Variants in KCNQ1 observed in about 807,000 individuals in gnomAD.
The protein encoded by KCNQ1 is potassium voltage-gated channel subfamily KQT member 1.
In KCNQ1, 49 loss-of-function variants were observed where a neutral mutation model predicts 72.4. The observed-to-expected ratio is 0.68, with a 90% CI of 0.54 to 0.86. The LOEUF (loss-of-function observed/expected upper bound fraction) is 0.86. Among genes scored for constraint, KCNQ1 ranks in the 40% least tolerant of loss-of-function variants. KCNQ1 has a pLI of 0.00. For missense variants in KCNQ1, 790 were observed against 945.1 expected (o/e 0.84, Z 2.15); for synonymous variants, 450 against 412.6 (o/e 1.09, Z -1.10).
rs1415058026 is a variant in KCNQ1, at chr11:2,588,755, A to G, written c.1294A>G (p.Thr432Ala). ...CAAGCTGGACAAAGACAATGGGGTG[A>G]CTCCTGGAGAGAAGATGCTCACAGT... ...KFKLDKDNGV[T>A]PGEKMLTVPH... Residue 432 changes from threonine to alanine, a missense_variant, in exon 10 of 16, where the codon ACT becomes GCT. Around this residue, in one of 5 missense-constraint regions of KCNQ1, gnomAD observed 178 missense variants for 177.9 expected, o/e 1.00. Coordinates refer to ENST00000155840, the MANE Select transcript of KCNQ1 (RefSeq NM_000218.3). This position sits in a 1 kb window ranked among gnomAD's most constrained non-coding sequence, Gnocchi z 5.6. 1 of 1,613,266 alleles carries G rather than the reference A, an allele frequency of 6.2e-7. No homozygotes were observed. Among genetic ancestry groups the G allele is most frequent in the South Asian group, 1.1e-5 (1 of 90,988 alleles).
rs551427644 is a variant in KCNQ1 at position 2,521,998 on chromosome 11, C to T, written c.387-5930C>T. ...CCGGGGGAGCCCTCCCACAGCGTCTCGGGCTATGACCCTGGCAGGGTTCCT... is the reference window on the plus strand; with the variant it reads ...CCGGGGGAGCCCTCCCACAGCGTCTTGGGCTATGACCCTGGCAGGGTTCCT... On this transcript the variant is annotated intron_variant, in intron 1 of 15. Transcript: ENST00000155840. 1.5e-4 allele frequency among the ~76,000 whole-genome samples: 23 copies of T among 152,356 alleles called. No individual in the cohort carries two copies. The South Asian group carries it at 3.9e-3, about 26-fold the overall frequency.
chr11:2,506,224 A>G (rs1564800375), intron 1 of KCNQ1, among the ~76,000 whole-genome samples: 1 of 152,096 alleles, frequency 6.6e-6, no homozygotes, highest in African/African-American at 2.4e-5. Context: ...TTTGACCCAT[A>G]TTGAGTTAAT....
chr11:2,681,568 C>T (rs1348764421), intron 11 of KCNQ1: 9 of 398,406 alleles, frequency 2.3e-5, no homozygotes, highest in South Asian at 1.3e-4. Flanking sequence ...AGAGTAACTT[C>T]CCTTTTCAGG....
chr11:2,846,718 C>T (rs558563173), intron 15 of KCNQ1, among the ~76,000 whole-genome samples: 14 of 152,374 alleles, frequency 9.2e-5, no homozygotes, highest in South Asian at 2.1e-4. Context: ...ACTTCCCACC[C>T]GGGGCGGGCT....
intron 1 of KCNQ1, among the ~76,000 whole-genome samples, chr11:2,517,064 C>T (rs1847299945): frequency 6.6e-6 from 1 of 152,168 alleles, no homozygotes; most frequent in Non-Finnish European, 1.5e-5. Context: ...GGATCAGGGC[C>T]CAGGCTCCAC....
chr11:2,710,635 GCTTTCA>G lies in KCNQ1; in HGVS notation c.1514+48555_1514+48560del, dbSNP rs1850987122. On this transcript the variant is annotated intron_variant, in intron 11 of 15. Transcript: ENST00000155840. This position sits in a 1 kb window ranked among gnomAD's most constrained non-coding sequence, Gnocchi z 4.1. ...GCTCTTACACTTAGGTCTTTCATCC[GCTTTCA>G]GTTAGTTTAACATATGGTGTGAGGT... Among the ~76,000 whole-genome samples, 1 of 152,052 alleles carries G rather than the reference GCTTTCA, an allele frequency of 6.6e-6. No homozygotes were observed. The highest frequency in any genetic ancestry group is 1.9e-4 in the East Asian group (1 of 5,190).
At chr11:2,821,395 A>T (rs1847735079) in intron 15 of KCNQ1, among the ~76,000 whole-genome samples, 1 of 152,220 alleles carries the variant, frequency 6.6e-6, no homozygotes, top group African/African-American at 2.4e-5. Context: ...TTTCTCGAGA[A>T]GTTTCAAGTG....
chr11:2,826,180 C>T lies in KCNQ1; in HGVS notation c.1795-21587C>T, dbSNP rs745330461. 1.6e-4 allele frequency among the ~76,000 whole-genome samples: 25 copies of T among 152,310 alleles called. No homozygotes were observed. The highest frequency in any genetic ancestry group is 1.5e-5 in the Non-Finnish European group (1 of 68,034). Reference sequence around the variant, plus strand: ...TGTCCAGCCCGCAGCAGAACCTCTCCGAGGGAGTGCTATTGTTTTTCATGT... The same window carrying T: ...TGTCCAGCCCGCAGCAGAACCTCTCTGAGGGAGTGCTATTGTTTTTCATGT... On this transcript the variant is annotated intron_variant, in intron 15 of 15. Transcript: ENST00000155840. This position sits in a 1 kb window ranked among gnomAD's most constrained non-coding sequence, Gnocchi z 4.2.
In KCNQ1 at chr11:2,847,908, G is replaced by T. The variant is rs763478809; in HGVS notation, c.1936G>T (p.Gly646Cys). 1 of 1,577,618 alleles carries T rather than the reference G, an allele frequency of 6.3e-7. No homozygotes were observed. The highest frequency in any genetic ancestry group is 8.6e-7 in the Non-Finnish European group (1 of 1,161,786). ...AHITQPCGSG[G>C]SVDPELFLPS... ...CATCACCCAGCCCTGCGGCAGTGGC[G>T]GCTCCGTCGACCCTGAGCTCTTCCT... is the stretch of plus-strand genomic sequence containing the variant. The change falls in exon 16 of 16, where the codon GGC (glycine) becomes TGC (cysteine). Residue 646 changes from glycine to cysteine, a missense_variant. Physicochemically the swap from Gly to Cys is radical, Grantham distance 159 (BLOSUM62 -3). Coordinates refer to ENST00000155840, the MANE Select transcript of KCNQ1 (RefSeq NM_000218.3).
intron 4 of KCNQ1, among the ~76,000 whole-genome samples, 174 bp downstream of exon 4, chr11:2,571,577 G>A (rs1172112735): frequency 3.9e-5 from 6 of 152,166 alleles, no homozygotes; most frequent in Non-Finnish European, 8.8e-5. Flanking sequence ...GGTGGGTGCA[G>A]GCAAGTGTGG....
Position 2,492,836 on chromosome 11 carries a change from T to C in KCNQ1, c.387-35092T>C, listed in dbSNP as rs1039356461. 2.0e-5 allele frequency among the ~76,000 whole-genome samples: 3 copies of C among 152,220 alleles called. No individual in the cohort carries two copies. Among genetic ancestry groups the C allele is most frequent in the Admixed American group, 6.5e-5 (1 of 15,278 alleles). ...CATATGTGTGCATGTGTCTTTATAG[T>C]AGAATGATTTATAATCCTTTGGGTA... On this transcript the variant is annotated intron_variant, in intron 1 of 15. Transcript: ENST00000155840. This position sits in a 1 kb window ranked among gnomAD's most constrained non-coding sequence, Gnocchi z 4.1.
At position 2,584,636 on chromosome 11, in the gene KCNQ1, TGTTA is replaced by T. The variant is rs777021706; in HGVS notation, c.1033-573_1033-570del. ...GGGTTACTGTGTGTTAGTGTTTGTG[TGTTA>T]GTGTGTTTTTGTGTGTGTTAGTGTG... On this transcript the variant is annotated intron_variant, in intron 7 of 15. Transcript: ENST00000155840. Among the ~76,000 whole-genome samples the T allele has an allele frequency of 2.6e-5, 4 of 151,926 alleles. No individual in the cohort carries two copies. The East Asian group carries it at 5.8e-4, about 22-fold the overall frequency.
chr11:2,610,716 CT>C (rs1167505141), intron 10 of KCNQ1: 13,555 of 221,714 alleles, frequency 0.061, 1 homozygote, highest in East Asian at 0.068. Flanking sequence ...TCTTGGTTGG[CT>C]TTTTTTTTTT....
intron 15 of KCNQ1, among the ~76,000 whole-genome samples, chr11:2,794,180 G>A (rs373494780): frequency 5.3e-5 from 8 of 152,200 alleles, no homozygotes; most frequent in African/African-American, 1.9e-4. Flanking sequence ...GGGCTGCTGT[G>A]GGATGAGGGA....
At position 2,626,194 on chromosome 11, in the gene KCNQ1, G is replaced by T. The variant is rs1264359117; in HGVS notation, c.1394-35767G>T. On this transcript the variant is annotated intron_variant, in intron 10 of 15. Transcript: ENST00000155840. This position sits in a 1 kb window ranked among gnomAD's most constrained non-coding sequence, Gnocchi z 4.0. ...TCCTTATAAGACTTCATAGTTTTAG[G>T]ACTTTGACCCATTTTGAGTAAGTTT... The T allele has an allele frequency of 5.0e-6, 2 of 398,390 alleles. No individual in the cohort carries two copies. Among genetic ancestry groups the T allele is most frequent in the Non-Finnish European group, 8.8e-6 (2 of 226,052 alleles). 24.7% of individuals were successfully genotyped at this position (398,390 alleles called of 1,614,324 possible).
rs1008759071 is a variant in KCNQ1 at position 2,723,983 on chromosome 11, G to A, written c.1515-44861G>A. ...GGCATTTACTCTTTTCACCGGGGGA[G>A]CAGAAATCAGAACATGGCTCTCTGT... On this transcript the variant is annotated intron_variant, in intron 11 of 15. Coordinates refer to ENST00000155840, the MANE Select transcript of KCNQ1 (RefSeq NM_000218.3). The surrounding 1 kb of genome is among the most constrained non-coding windows in gnomAD (Gnocchi z 4.2). Among the ~76,000 whole-genome samples the A allele has an allele frequency of 3.9e-5, 6 of 152,152 alleles. No homozygotes were observed. The highest frequency in any genetic ancestry group is 1.4e-4 in the African/African-American group (6 of 41,434).
intron 10 of KCNQ1, chr11:2,631,922 C>G: frequency 2.5e-6 from 1 of 397,502 alleles, no homozygotes; most frequent in Non-Finnish European, 4.4e-6. Flanking sequence ...GTGGCTCACG[C>G]CTGTAATCCC....
intron 1 of KCNQ1, among the ~76,000 whole-genome samples, chr11:2,455,431 A>G (rs1846177870): frequency 6.6e-6 from 1 of 152,214 alleles, no homozygotes; most frequent in South Asian, 2.1e-4. Flanking sequence ...ATGATGTTCA[A>G]ACTCAGAGCC....
rs566414235 is a variant in KCNQ1 at position 2,547,750 on chromosome 11, C to T, written c.477+19732C>T. Among the ~76,000 whole-genome samples, 4 of 152,194 alleles carry T rather than the reference C, an allele frequency of 2.6e-5. No homozygotes were observed. The highest frequency in any genetic ancestry group is 2.1e-4 in the South Asian group (1 of 4,800). On this transcript the variant is annotated intron_variant, in intron 2 of 15. Transcript: ENST00000155840. This position sits in a 1 kb window ranked among gnomAD's most constrained non-coding sequence, Gnocchi z 4.2. ...CTTGGGTGGACTACTGACTACTTCG[C>T]GGGTAAGAAATGGTGAGTGGCATGG...
Sources: allele counts gnomAD v4.1 joint callset (sites outside exome capture counted in the v4.1 genomes callset), GRCh38; gene constraint gnomAD v4.1.1; regional missense constraint gnomAD v4.1.1; non-coding constraint Gnocchi (gnomAD v3.1); transcripts MANE v1.5; gene names NCBI Gene and HGNC (gene_info 2026-07-23, HGNC 2026-07-21).